SLC41A2: variants seen among roughly 807,000 people sequenced by gnomAD.
SLC41A2 encodes solute carrier family 41 member 2, also known as SLC41A1-like 1.
In SLC41A2, 32 loss-of-function variants were observed where a neutral mutation model predicts 58.3. The observed-to-expected ratio is 0.55, with a 90% CI of 0.41 to 0.74. SLC41A2 has a LOEUF of 0.74. SLC41A2 is among the 30% of genes least tolerant of loss of function. The pLI is 0.00. For missense variants in SLC41A2, 514 were observed against 680.6 expected, an observed-to-expected ratio of 0.76 and a Z score of 2.72; for synonymous variants, 190 against 235.0, an observed-to-expected ratio of 0.81 and a Z score of 1.75.
intron 1 of SLC41A2, among the ~76,000 whole-genome samples, chr12:104,931,337 G>A (rs2047046426): frequency 6.6e-6 from 1 of 152,094 alleles, no homozygotes; most frequent in African/African-American, 2.4e-5. Flanking sequence ...TGAGATTCTA[G>A]TAGGTATATC....
At chr12:104,844,279 A>G (rs1434533124) in intron 10 of SLC41A2, among the ~76,000 whole-genome samples, 193 bp downstream of exon 10, 1 of 152,224 alleles carries the variant, frequency 6.6e-6, no homozygotes, top group East Asian at 1.9e-4. Context: ...AACAATGTTT[A>G]CATGAACCTA....
At chr12:104,830,193 T>A (rs11112205) in intron 10 of SLC41A2, among the ~76,000 whole-genome samples, 2 of 152,230 alleles carry the variant, frequency 1.3e-5, no homozygotes, top group African/African-American at 2.4e-5. Context: ...ATCTTATTTA[T>A]CACTTAACTA....
intron 1 of SLC41A2, among the ~76,000 whole-genome samples, chr12:104,952,650 C>G (rs1195357787): frequency 6.6e-6 from 1 of 152,142 alleles, no homozygotes; most frequent in Non-Finnish European, 1.5e-5. Context: ...CCCCTACAAT[C>G]CAGTAAGTAT....
chr12:104,827,967 A>C (rs185968714), intron 10 of SLC41A2, among the ~76,000 whole-genome samples: 7 of 152,312 alleles, frequency 4.6e-5, no homozygotes, highest in Admixed American at 2.6e-4. Flanking sequence ...CTCCACCCCC[A>C]GGCCTGTGCC....
chr12:104,827,397 G>A (rs375912645), intron 10 of SLC41A2, among the ~76,000 whole-genome samples: 47 of 152,190 alleles, frequency 3.1e-4, no homozygotes, highest in African/African-American at 1.1e-3. Context: ...CCCCAGGCAA[G>A]CCTACAAACC....
intron 6 of SLC41A2, among the ~76,000 whole-genome samples, chr12:104,880,353 T>G (rs1432661322): frequency 3.3e-5 from 5 of 152,220 alleles, no homozygotes; most frequent in Admixed American, 6.5e-5. Flanking sequence ...CAACACTATG[T>G]TGAATAGGAG....
rs564668218 is a variant in SLC41A2, at chr12:104,924,519, C to T, written c.555+3454G>A. ...CAGCACTTTGGGAGGCTGAGGCAGG[C>T]GGATCACCTGAGGTCGGGAGTTCAA... On this transcript the variant is annotated intron_variant, in intron 2 of 10. Transcript: ENST00000258538. 5.9e-5 allele frequency among the ~76,000 whole-genome samples: 9 copies of T among 151,982 alleles called. No individual in the cohort carries two copies. In the South Asian group the frequency reaches 8.3e-4, roughly 14 times the overall value.
Position 104,923,933 on chromosome 12 carries a change from A to C in SLC41A2, c.555+4040T>G, listed in dbSNP as rs536165434. On this transcript the variant is annotated intron_variant, in intron 2 of 10. Transcript: ENST00000258538. ...ACCACAGGGTATGGAAAGATTTCTT[A>C]GACGAGAGACATAAAACACAAACTA... is the stretch of plus-strand genomic sequence containing the variant. 3.9e-5 allele frequency among the ~76,000 whole-genome samples: 6 copies of C among 152,308 alleles called. No individual in the cohort carries two copies. In the South Asian group the frequency reaches 1.2e-3, roughly 32 times the overall value.
At chr12:104,864,846 C>G (rs1000168948) in intron 7 of SLC41A2, among the ~76,000 whole-genome samples, 3 of 152,068 alleles carry the variant, frequency 2.0e-5, no homozygotes, top group Non-Finnish European at 2.9e-5. Context: ...AATAGTTTCT[C>G]TTATTTATCT....
At chr12:104,889,507 T>G (rs1032653912) in intron 4 of SLC41A2, among the ~76,000 whole-genome samples, 4 of 152,174 alleles carry the variant, frequency 2.6e-5, no homozygotes, top group South Asian at 2.1e-4. Context: ...TCCACACATC[T>G]GAAGTCTGAC....
rs144929148 is a variant in SLC41A2 at position 104,856,270 on chromosome 12, G to T, written c.1255+5021C>A. ...GGAACCAGTGAAGGAAAATGAAAAA[G>T]AATTTTCAGAGAAGCGATGAGAATG... On this transcript the variant is annotated intron_variant, in intron 8 of 10. Transcript: ENST00000258538. 9.2e-5 allele frequency among the ~76,000 whole-genome samples: 14 copies of T among 152,264 alleles called. No homozygotes were observed. In the East Asian group the frequency reaches 2.7e-3, roughly 29 times the overall value.
chr12:104,906,882 C>T (rs552345879), intron 3 of SLC41A2, among the ~76,000 whole-genome samples: 2 of 152,166 alleles, frequency 1.3e-5, no homozygotes, highest in Non-Finnish European at 2.9e-5. Context: ...ATGGCTGACT[C>T]ACCTTTACTA....
intron 2 of SLC41A2, among the ~76,000 whole-genome samples, chr12:104,926,854 G>C (rs1236431635): frequency 6.6e-6 from 1 of 152,186 alleles, no homozygotes; most frequent in Non-Finnish European, 1.5e-5. Context: ...GAAAGGCCAA[G>C]GTGGGAGGAT....
At chr12:104,947,005 T>C (rs530294449) in intron 1 of SLC41A2, among the ~76,000 whole-genome samples, 1 of 152,244 alleles carries the variant, frequency 6.6e-6, no homozygotes, top group East Asian at 1.9e-4. Context: ...ACATATAAAG[T>C]GCTTAGAACA....
intron 8 of SLC41A2, among the ~76,000 whole-genome samples, chr12:104,847,909 T>C (rs2042665552): frequency 6.6e-6 from 1 of 152,214 alleles, no homozygotes; most frequent in Non-Finnish European, 1.5e-5. Flanking sequence ...TTTAAGAACC[T>C]ATTAATGATG....
chr12:104,869,427 A>G (rs141656388), intron 6 of SLC41A2, among the ~76,000 whole-genome samples: 1 of 152,278 alleles, frequency 6.6e-6, no homozygotes, highest in Admixed American at 6.5e-5. Flanking sequence ...AGATAAAGCA[A>G]ATGGGGTAAA....
At chr12:104,850,477 T>C (rs1294703309) in intron 8 of SLC41A2, among the ~76,000 whole-genome samples, 1 of 152,248 alleles carries the variant, frequency 6.6e-6, no homozygotes, top group East Asian at 1.9e-4. Flanking sequence ...TATTGCCGGA[T>C]ACCTAGTGAA....
At chr12:104,947,791 A>G (rs2047787611) in intron 1 of SLC41A2, among the ~76,000 whole-genome samples, 1 of 152,078 alleles carries the variant, frequency 6.6e-6, no homozygotes, top group African/African-American at 2.4e-5. Context: ...TAGCCCTAAT[A>G]CTGTTTTTTA....
intron 10 of SLC41A2, among the ~76,000 whole-genome samples, chr12:104,815,677 C>T (rs1487443927): frequency 6.6e-6 from 1 of 152,066 alleles, no homozygotes; most frequent in Non-Finnish European, 1.5e-5. Context: ...ACAGTTCTTC[C>T]TAACCCCTAG....
Sources: allele counts gnomAD v4.1 joint callset (sites outside exome capture counted in the v4.1 genomes callset), GRCh38; gene constraint gnomAD v4.1.1; transcripts MANE v1.5; gene names NCBI Gene and HGNC (gene_info 2026-07-23, HGNC 2026-07-21).